Variants in CCDC30 observed in about 807,000 individuals in gnomAD.
CCDC30 encodes coiled-coil domain-containing protein 30.
CCDC30 carries 70 observed loss-of-function variants against 100.2 expected under a neutral mutation model. The ratio of observed to expected loss-of-function variants is 0.70; its 90% CI spans 0.58 to 0.85. CCDC30 has a LOEUF of 0.85. Ranked by LOEUF, CCDC30 falls within the 40% of genes least tolerant of loss-of-function variation. The pLI is 0.00. For synonymous variants in CCDC30, 233 were observed against 269.5 expected (o/e 0.86, Z 1.33); for missense variants, 652 against 771.2 (o/e 0.85, Z 1.83).
At chr1:42,627,676 G>A (rs1646958818) in intron 11 of CCDC30, among the ~76,000 whole-genome samples, 1 of 152,164 alleles carries the variant, frequency 6.6e-6, no homozygotes, top group Admixed American at 6.5e-5. Flanking sequence ...GCTGAAAGGG[G>A]CCAACTTAGC....
intron 11 of CCDC30, among the ~76,000 whole-genome samples, chr1:42,629,507 G>C (rs1354857298): frequency 6.6e-6 from 1 of 151,832 alleles, no homozygotes; most frequent in Admixed American, 6.6e-5. Context: ...GTAATCTTTG[G>C]GTTAAATCTT....
rs1255863627 is a variant in CCDC30 at position 42,596,737 on chromosome 1, A to AC, written c.1164+7254_1164+7255insC. Among the ~76,000 whole-genome samples the AC allele has an allele frequency of 4.7e-5, 5 of 107,148 alleles. No homozygotes were observed. The highest frequency in any genetic ancestry group is 1.8e-4 in the African/African-American group (5 of 28,518). 70.3% of individuals were successfully genotyped at this position (107,148 alleles called of 152,430 possible). A position where few individuals can be genotyped will look rare whatever the true frequency, so the allele number is the denominator to read the frequency against. ...AATTACAAGACACGCTAAAAGGCAAAAAAACAAACAAACAAACAAACAAAA... is the reference window on the plus strand; with the variant it reads ...AATTACAAGACACGCTAAAAGGCAAACAAAACAAACAAACAAACAAACAAAA... On this transcript the variant is annotated intron_variant, in intron 10 of 16. Coordinates refer to ENST00000668663, the Ensembl canonical transcript of CCDC30. The surrounding 1 kb of genome is among the most constrained non-coding windows in gnomAD (Gnocchi z 4.3).
At chr1:42,652,536 T>C (rs1339959849) in intron 15 of CCDC30, among the ~76,000 whole-genome samples, 5 of 152,076 alleles carry the variant, frequency 3.3e-5, no homozygotes, top group African/African-American at 1.2e-4. Flanking sequence ...CATCACAATA[T>C]CCAAGAGAAA....
chr1:42,467,868 T>C (rs1413411357), intron 1 of CCDC30: 1 of 152,232 alleles, frequency 6.6e-6, no homozygotes, highest in Non-Finnish European at 1.5e-5. Flanking sequence ...GATACAAAGA[T>C]AGAAATGGCT....
At chr1:42,528,464 G>A (rs1218630716) in intron 6 of CCDC30, among the ~76,000 whole-genome samples, 2 of 152,174 alleles carry the variant, frequency 1.3e-5, no homozygotes, top group African/African-American at 4.8e-5. Flanking sequence ...TAAAGGTAAG[G>A]AGCAGACATG....
At chr1:42,523,752 C>G (rs10158003) in intron 6 of CCDC30, among the ~76,000 whole-genome samples, 58,689 of 151,954 alleles carry the variant, frequency 0.39, 11,805 homozygotes, top group East Asian at 0.59. Flanking sequence ...GCTGCCTTAG[C>G]CTCTGTTCAC....
intron 6 of CCDC30, among the ~76,000 whole-genome samples, chr1:42,563,630 C>T (rs1418632332): frequency 6.6e-6 from 1 of 152,140 alleles, no homozygotes; most frequent in Middle Eastern, 3.2e-3. Flanking sequence ...CCTGTAATCC[C>T]AGCACTTTGG....
At chr1:42,606,577 G>A (rs1234326232) in intron 10 of CCDC30, among the ~76,000 whole-genome samples, 13 of 152,174 alleles carry the variant, frequency 8.5e-5, no homozygotes, top group Admixed American at 8.5e-4. Flanking sequence ...AAAATGCCAT[G>A]TGACACCAAT....
chr1:42,460,994 G>T (rs1000014577), upstream of CCDC30, among the ~76,000 whole-genome samples: 1 of 152,154 alleles, frequency 6.6e-6, no homozygotes, highest in Non-Finnish European at 1.5e-5. Context: ...GCTGTCCTAC[G>T]TTTTGGGTTT....
intron 11 of CCDC30, among the ~76,000 whole-genome samples, chr1:42,617,860 A>G (rs1646754945): frequency 6.6e-6 from 1 of 152,194 alleles, no homozygotes; most frequent in South Asian, 2.1e-4. Context: ...TTAGTCCTGC[A>G]AAGGCAGTCT....
intron 6 of CCDC30, among the ~76,000 whole-genome samples, chr1:42,553,996 A>T (rs1308223296): frequency 6.7e-6 from 1 of 148,176 alleles, no homozygotes; most frequent in Non-Finnish European, 1.5e-5. Context: ...ATTTTCCCAT[A>T]GTATATATAT....
the CCDC30 span, chr1:42,457,072 A>G: frequency 6.3e-7 from 1 of 1,593,928 alleles, no homozygotes; most frequent in Non-Finnish European, 8.5e-7. Context: ...TCAATCCGCT[A>G]GGTGCGTGCC....
chr1:42,465,277 C>T (rs1643535226), intron 1 of CCDC30, among the ~76,000 whole-genome samples: 1 of 152,182 alleles, frequency 6.6e-6, no homozygotes, highest in Admixed American at 6.5e-5. Context: ...CACCACTGCG[C>T]TCCAACCTGG....
At chr1:42,559,878 C>G (rs947070177) in intron 6 of CCDC30, among the ~76,000 whole-genome samples, 1 of 152,092 alleles carries the variant, frequency 6.6e-6, no homozygotes, top group Non-Finnish European at 1.5e-5. Context: ...TAAAATCGAC[C>G]ACATAATTGG....
At chr1:42,580,269 C>T (rs1426763956) in intron 8 of CCDC30, among the ~76,000 whole-genome samples, 1 of 152,208 alleles carries the variant, frequency 6.6e-6, no homozygotes, top group Admixed American at 6.5e-5. Flanking sequence ...TGCCTACTAC[C>T]ATTCCCCTTG....
At chr1:42,478,651 C>T (rs1048654275) in intron 1 of CCDC30, among the ~76,000 whole-genome samples, 3 of 151,966 alleles carry the variant, frequency 2.0e-5, no homozygotes, top group Non-Finnish European at 4.4e-5. Context: ...CTCAGTTACT[C>T]GGGAGGCAGA....
downstream of CCDC30, among the ~76,000 whole-genome samples, chr1:42,655,363 G>A (rs556493658): frequency 1.3e-5 from 2 of 152,098 alleles, no homozygotes; most frequent in Admixed American, 1.3e-4. Flanking sequence ...CCAACTTAGG[G>A]AAACCCCGTC....
intron 10 of CCDC30, among the ~76,000 whole-genome samples, chr1:42,608,632 G>A (rs1389903396): frequency 6.6e-6 from 1 of 151,106 alleles, no homozygotes; most frequent in Admixed American, 6.6e-5. Context: ...GTGAACCCGG[G>A]AGGCGGAACT....
At chr1:42,515,926 A>G (rs1644548761) in intron 6 of CCDC30, among the ~76,000 whole-genome samples, 1 of 152,348 alleles carries the variant, frequency 6.6e-6, no homozygotes, top group Admixed American at 6.5e-5. Context: ...CATTGAATGT[A>G]TATACCACAT....
Sources: gnomAD v4.1 joint callset for allele counts (sites outside exome capture counted in the v4.1 genomes callset) on GRCh38, gnomAD v4.1.1 for gene constraint, Gnocchi (gnomAD v3.1) non-coding constraint, MANE v1.5 for transcripts, NCBI Gene and HGNC (gene_info 2026-07-23, HGNC 2026-07-21) for gene names.